C8G: variants seen among roughly 807,000 people sequenced by gnomAD.
C8G encodes complement component C8 gamma chain.
A neutral mutation model predicts 29.1 loss-of-function variants in C8G; 38 were observed. That is an observed-to-expected ratio of 1.31 (90% CI 1.01 to 1.71). C8G has a LOEUF of 1.71. C8G is among the 40% of genes most tolerant of loss of function. C8G has a pLI of 0.00. For synonymous variants in C8G, 158 were observed against 113.2 expected (o/e 1.40, Z -2.51); for missense variants, 300 against 267.4 (o/e 1.12, Z -0.85).
chr9:136,946,169 G>A lies in C8G; in HGVS notation c.431G>A (p.Gly144Glu), dbSNP rs750286242. The change falls in exon 4 of 7, where the codon GGG (glycine) becomes GAG (glutamate). Residue 144 changes from glycine (G) to glutamate (E), a missense_variant. Transcript: ENST00000371634. ...GCTGTCCTGTACCTGGAGCGGGCGGGGCAGCTGTCAGTGAAGCTCTACGGT... is the reference window on the plus strand; with the variant it reads ...GCTGTCCTGTACCTGGAGCGGGCGGAGCAGCTGTCAGTGAAGCTCTACGGT... ...SFAVLYLERA[G>E]QLSVKLYARS... 3 of 1,565,254 alleles carry A rather than the reference G, an allele frequency of 1.9e-6. No individual in the cohort carries two copies. Among genetic ancestry groups the A allele is most frequent in the African/African-American group, 2.7e-5 (2 of 73,368 alleles).
chr9:136,946,728 G>C, intron 6 of C8G, 39 bp downstream of exon 6: 2 of 1,609,556 alleles, frequency 1.2e-6, no homozygotes, highest in Non-Finnish European at 1.7e-6. Context: ...GCGTGGTGAG[G>C]GGGGCCACTG....
At position 136,945,823 on chromosome 9, in the gene C8G, G is replaced by A. The variant is rs545971649; in HGVS notation, c.275+53G>A. The A allele has an allele frequency of 2.5e-5, 38 of 1,538,592 alleles. No homozygotes were observed. The Admixed American group carries it at 3.7e-4, about 15-fold the overall frequency. On this transcript the variant is annotated intron_variant, in intron 2 of 6. Transcript: ENST00000371634. ...AACCCCAACCCTCCTCTCAGCCCCC[G>A]GACTTCAGCCCTGCTCTGGCCCCTG...
In C8G at chr9:136,945,746, T is replaced by C. The variant is rs1851014516; in HGVS notation, c.251T>C (p.Met84Thr). ...CATGTGGCTCCCCAGGGCACAGCCA[T>C]GGCTGTCAGTACCTTCCGAAAGCTG... ...TLHVAPQGTAMAVSTFRKLDG... is the reference protein window; with the variant it reads ...TLHVAPQGTATAVSTFRKLDG... The change falls in exon 2 of 7, where the codon ATG becomes ACG. Residue 84 changes from methionine (M) to threonine (T), a missense_variant. Met to Thr is a moderately conservative substitution (Grantham distance 81). Transcript: ENST00000371634. 1 of 1,564,320 alleles carries C rather than the reference T, an allele frequency of 6.4e-7. No homozygotes were observed. The highest frequency in any genetic ancestry group is 8.6e-7 in the Non-Finnish European group (1 of 1,156,678).
chr9:136,946,862 C>T lies in C8G; in HGVS notation c.*81C>T, dbSNP rs191866587. ...AGTGGGGTGCCCGCTGCCTGTCCTC[C>T]GTGAAACCAGCCTCAGATCAGGGCC... is the stretch of plus-strand genomic sequence containing the variant. On this transcript the variant is annotated 3_prime_UTR_variant, in exon 7 of 7. Transcript: ENST00000371634. The T allele has an allele frequency of 5.8e-4, 870 of 1,507,390 alleles. 4 individuals are homozygous for T. The African/African-American group carries it at 9.2e-3, about 16-fold the overall frequency. 93.4% of individuals were successfully genotyped at this position (1,507,390 alleles called of 1,614,324 possible).
At chr9:136,946,226 C>A in intron 4 of C8G, 34 bp downstream of exon 4, 1 of 1,511,932 alleles carries the variant, frequency 6.6e-7, no homozygotes. Flanking sequence ...ACCAGGCAGG[C>A]GCTCAAGCTC....
intron 4 of C8G, 44 bp from the exon 5 acceptor site, chr9:136,946,421 C>G: frequency 6.5e-7 from 1 of 1,533,024 alleles, no homozygotes; most frequent in Non-Finnish European, 8.8e-7. Context: ...GAGCCCTCCA[C>G]GCCGCCTGGT....
rs149516883 is a variant in C8G, at chr9:136,945,926, C to T, written c.276-3C>T. 5.9e-3 allele frequency: 9,138 copies of T among 1,559,774 alleles called. 57 individuals are homozygous for T. The highest frequency in any genetic ancestry group is 5.1e-3 in the Non-Finnish European group (5,822 of 1,152,174). On this transcript the variant is annotated splice_polypyrimidine_tract_variant and splice_region_variant and intron_variant, in intron 2 of 6. Coordinates refer to ENST00000371634, the MANE Select transcript of C8G (RefSeq NM_000606.3). Reference sequence around the variant, plus strand: ...CTGTGGTGCCTCCTCCCCGCCCCCCCAGGGATGGGATCTGCTGGCAGGTGC... The same window carrying T: ...CTGTGGTGCCTCCTCCCCGCCCCCCTAGGGATGGGATCTGCTGGCAGGTGC...
rs1423062693 is a variant in C8G, at chr9:136,945,338, T to C, written c.18T>C (p.Thr6=). Reference sequence around the variant, plus strand: ...CCGCCACCATGCTGCCCCCTGGGACTGCGACCCTCTTGACTCTGCTCCTGG... The same window carrying C: ...CCGCCACCATGCTGCCCCCTGGGACCGCGACCCTCTTGACTCTGCTCCTGG... MLPPG[T]ATLLTLLLAA... Residue 6 remains threonine (T), a synonymous_variant, in exon 1 of 7, where the codon ACT becomes ACC. Transcript: ENST00000371634. The C allele has an allele frequency of 6.2e-7, 1 of 1,611,552 alleles. No homozygotes were observed. The highest frequency in any genetic ancestry group is 8.5e-7 in the Non-Finnish European group (1 of 1,179,048).
In C8G at chr9:136,945,632, A is replaced by G; in HGVS notation, c.139-2A>G. The stretch of plus-strand genomic sequence containing the variant: ...TCGAGTTCTCCCATGGTCTGCCCCC[A>G]GTTTGCAGGGACCTGGCTCCTTGTG... On this transcript the variant is annotated splice_acceptor_variant, in intron 1 of 6. Transcript: ENST00000371634. LOFTEE classifies it high-confidence loss of function. The G allele has an allele frequency of 4.3e-6, 7 of 1,609,420 alleles. No individual in the cohort carries two copies. Among genetic ancestry groups the G allele is most frequent in the Non-Finnish European group, 5.9e-6 (7 of 1,178,712 alleles).
chr9:136,946,568 T>G lies in C8G; in HGVS notation c.556+2T>G. 6.2e-7 allele frequency: 1 copy of G among 1,612,744 alleles called. No individual in the cohort carries two copies. Among genetic ancestry groups the G allele is most frequent in the Non-Finnish European group, 8.5e-7 (1 of 1,179,722 alleles). Reference sequence around the variant, plus strand: ...AGATCTTCTACTTCCCCAAGTACGGTGAGTGTCCCCAGCAGGTCCCCAGCT... The same window carrying G: ...AGATCTTCTACTTCCCCAAGTACGGGGAGTGTCCCCAGCAGGTCCCCAGCT... On this transcript the variant is annotated splice_donor_variant, in intron 5 of 6. Transcript: ENST00000371634. LOFTEE classifies it high-confidence loss of function.
chr9:136,946,449 CCT>C lies in C8G; in HGVS notation c.455-15_455-14del. ...CGCCTGGTGCCAGGACCCCAGGAAC[CCT>C]GTCTGCCCTGCAGCCCGCTCGCTCC... is the stretch of plus-strand genomic sequence containing the variant. On this transcript the variant is annotated splice_polypyrimidine_tract_variant and intron_variant, in intron 4 of 6. Transcript: ENST00000371634. 4 of 1,576,874 alleles carry C rather than the reference CCT, an allele frequency of 2.5e-6. No homozygotes were observed. Among genetic ancestry groups the C allele is most frequent in the Non-Finnish European group, 3.4e-6 (4 of 1,160,668 alleles).
chr9:136,945,511 A>C (rs1851004257), intron 1 of C8G, 53 bp downstream of exon 1: 1 of 1,537,368 alleles, frequency 6.5e-7, no homozygotes. Context: ...GGAGGGGTAG[A>C]GGGAGACAGG....
rs199510015 is a variant in C8G at position 136,945,921 on chromosome 9, C to A, written c.276-8C>A. The A allele has an allele frequency of 1.2e-5, 18 of 1,557,700 alleles. No individual in the cohort carries two copies. The highest frequency in any genetic ancestry group is 1.1e-4 in the South Asian group (9 of 84,866). On this transcript the variant is annotated splice_polypyrimidine_tract_variant and splice_region_variant and intron_variant, in intron 2 of 6. Coordinates refer to ENST00000371634, the MANE Select transcript of C8G (RefSeq NM_000606.3). ...CCAGCCTGTGGTGCCTCCTCCCCGCCCCCCCAGGGATGGGATCTGCTGGCA... is the reference window on the plus strand; with the variant it reads ...CCAGCCTGTGGTGCCTCCTCCCCGCACCCCCAGGGATGGGATCTGCTGGCA...
chr9:136,946,175 T>A lies in C8G; in HGVS notation c.437T>A (p.Leu146Gln), dbSNP rs973114881. The part of the protein sequence containing the change: ...AVLYLERAGQ[L>Q]SVKLYARSLP... ...CTGTACCTGGAGCGGGCGGGGCAGC[T>A]GTCAGTGAAGCTCTACGGTATGTGG... is the stretch of plus-strand genomic sequence containing the variant. The change falls in exon 4 of 7, where the codon CTG becomes CAG. Residue 146 changes from leucine (L) to glutamine (Q), a missense_variant. Transcript: ENST00000371634. 1.9e-6 allele frequency: 3 copies of A among 1,563,630 alleles called. No homozygotes were observed. The highest frequency in any genetic ancestry group is 1.7e-6 in the Non-Finnish European group (2 of 1,153,296).
rs773918605 is a variant in C8G, at chr9:136,945,615, T to C, written c.139-19T>C. On this transcript the variant is annotated intron_variant, in intron 1 of 6. Transcript: ENST00000371634. Reference sequence around the variant, plus strand: ...GCCCTCCCACAGTGCCCTCGAGTTCTCCCATGGTCTGCCCCCAGTTTGCAG... The same window carrying C: ...GCCCTCCCACAGTGCCCTCGAGTTCCCCCATGGTCTGCCCCCAGTTTGCAG... 6.2e-7 allele frequency: 1 copy of C among 1,604,470 alleles called. No individual in the cohort carries two copies. The highest frequency in any genetic ancestry group is 8.5e-7 in the Non-Finnish European group (1 of 1,174,784).
Position 136,946,470 on chromosome 9 carries a change from T to TC in C8G, c.461dup (p.Leu155AlafsTer12). The stretch of plus-strand genomic sequence containing the variant: ...GAACCCTGTCTGCCCTGCAGCCCGC[T>TC]CGCTCCCTGTGAGCGACTCGGTCCT... On this transcript the variant is annotated frameshift_variant, in exon 5 of 7. Transcript: ENST00000371634. LOFTEE classifies it high-confidence loss of function. The TC allele has an allele frequency of 7.5e-6, 12 of 1,603,700 alleles. No individual in the cohort carries two copies. Among genetic ancestry groups the TC allele is most frequent in the Non-Finnish European group, 1.0e-5 (12 of 1,174,704 alleles).
In C8G at chr9:136,946,899, G is replaced by C; in HGVS notation, c.*118G>C. 1 of 1,319,666 alleles carries C rather than the reference G, an allele frequency of 7.6e-7. No homozygotes were observed. The highest frequency in any genetic ancestry group is 1.1e-6 in the Non-Finnish European group (1 of 951,328). The allele number at this position is 1,319,666 out of a possible 1,614,324, so 81.7% of individuals were successfully genotyped here. ...CTCAGATCAGGGCCCTGCCACCCAGGGCAGGGGATCTTCTGCCGGCTGCCC... is the reference window on the plus strand; with the variant it reads ...CTCAGATCAGGGCCCTGCCACCCAGCGCAGGGGATCTTCTGCCGGCTGCCC... On this transcript the variant is annotated 3_prime_UTR_variant, in exon 7 of 7. Transcript: ENST00000371634.
Position 136,945,982 on chromosome 9 carries a change from G to A in C8G, c.329G>A (p.Gly110Asp), listed in dbSNP as rs779884403. 4.4e-6 allele frequency: 7 copies of A among 1,578,658 alleles called. No homozygotes were observed. In the Admixed American group the frequency reaches 1.1e-4, roughly 25 times the overall value. ...RQLYGDTGVL[G>D]RFLLQARDAR... ...CTCTATGGAGACACAGGGGTCCTCG[G>A]CCGCTTCCTGCTTCAAGGTGAGGCA... Residue 110 changes from glycine to aspartate, a missense_variant, in exon 3 of 7, where the codon GGC becomes GAC. By Grantham distance (94) the Gly-to-Asp change is moderately conservative (BLOSUM62 -1). Coordinates refer to ENST00000371634, the MANE Select transcript of C8G (RefSeq NM_000606.3).
intron 2 of C8G, 79 bp downstream of exon 2, chr9:136,945,849 AC>A (rs891026399): frequency 3.9e-6 from 6 of 1,540,650 alleles, no homozygotes; most frequent in Middle Eastern, 3.7e-4. Context: ...CTGGCCCCTG[AC>A]CCCACCCCGG....
Sources: gnomAD v4.1 joint callset for allele counts on GRCh38, gnomAD v4.1.1 for gene constraint, MANE v1.5 for transcripts, NCBI Gene and HGNC (gene_info 2026-07-23, HGNC 2026-07-21) for gene names.